CRACD: variants seen among roughly 807,000 people sequenced by gnomAD.
CRACD encodes capping protein-inhibiting regulator of actin dynamics.
Under a neutral mutation model 106.8 loss-of-function variants are expected in CRACD, and 56 were observed. The ratio of observed to expected loss-of-function variants is 0.52; its 90% confidence interval spans 0.42 to 0.66. The LOEUF (loss-of-function observed/expected upper bound fraction) is 0.66. CRACD is among the 30% of genes least tolerant of loss of function. The pLI, the probability that CRACD is intolerant of heterozygous loss-of-function variation, is 0.00. For missense variants in CRACD, 1,730 were observed against 1,623.2 expected, an observed-to-expected ratio of 1.07 and a Z score of -1.13; for synonymous variants, 754 against 670.8, an observed-to-expected ratio of 1.12 and a Z score of -1.92.
At chr4:56,109,497 G>C (rs1297118666) in intron 1 of CRACD, among the ~76,000 whole-genome samples, 1 of 152,114 alleles carries the variant, frequency 6.6e-6, no homozygotes, top group Admixed American at 6.5e-5. Flanking sequence ...TTCTGGAGCA[G>C]AAAAGGGTTA....
intron 3 of CRACD, among the ~76,000 whole-genome samples, chr4:56,276,402 T>C (rs1215241904): frequency 6.6e-6 from 1 of 152,136 alleles, no homozygotes; most frequent in African/African-American, 2.4e-5. Flanking sequence ...AAGGATGTAG[T>C]ATGCAGTATT....
chr4:56,159,508 C>T (rs1474280385), intron 1 of CRACD, among the ~76,000 whole-genome samples: 8 of 152,004 alleles, frequency 5.3e-5, no homozygotes, highest in African/African-American at 7.2e-5. Flanking sequence ...CAAAATTAGA[C>T]GGGCGTGGTG....
intron 3 of CRACD, among the ~76,000 whole-genome samples, chr4:56,282,354 C>A (rs1261215686): frequency 6.6e-6 from 1 of 152,200 alleles, no homozygotes; most frequent in African/African-American, 2.4e-5. Flanking sequence ...TGTGCAGCTG[C>A]AGAAAGCCTT....
At chr4:56,131,171 C>T (rs529971462) in intron 1 of CRACD, among the ~76,000 whole-genome samples, 96 of 152,214 alleles carry the variant, frequency 6.3e-4, no homozygotes, top group Non-Finnish European at 9.4e-4. Flanking sequence ...TCTTAAGTCC[C>T]GGTTGAGCTA....
In CRACD at chr4:56,173,193, G is replaced by A. The variant is rs531382189; in HGVS notation, c.-335-6091G>A. 5.9e-5 allele frequency among the ~76,000 whole-genome samples: 9 copies of A among 152,332 alleles called. No individual in the cohort carries two copies. The South Asian group carries it at 1.9e-3, about 32-fold the overall frequency. ...TACACAACTGTAGCAAATGGAAAAA[G>A]TCAAAGAAGTTTACCTTTGACTATA... On this transcript the variant is annotated intron_variant, in intron 1 of 10. Coordinates refer to ENST00000682029, the MANE Select transcript of CRACD (RefSeq NM_001393381.1).
chr4:56,288,377 A>G (rs1743494063), intron 3 of CRACD: 1 of 239,956 alleles, frequency 4.2e-6, no homozygotes, highest in Non-Finnish European at 8.4e-6. Context: ...GAAATGTATC[A>G]GCTCTTGCCC....
At chr4:56,094,770 G>T (rs372951737) in intron 1 of CRACD, among the ~76,000 whole-genome samples, 5 of 152,244 alleles carry the variant, frequency 3.3e-5, no homozygotes, top group African/African-American at 1.2e-4. Context: ...TTATCTGACA[G>T]ATCTTATAAA....
At chr4:56,232,085 A>G (rs1739654492) in intron 2 of CRACD, among the ~76,000 whole-genome samples, 2 of 152,204 alleles carry the variant, frequency 1.3e-5, no homozygotes, top group Admixed American at 1.3e-4. Flanking sequence ...GCATATGTAC[A>G]GTAATTCCGC....
intron 2 of CRACD, among the ~76,000 whole-genome samples, chr4:56,233,608 C>T (rs1739774078): frequency 6.6e-6 from 1 of 152,062 alleles, no homozygotes; most frequent in Non-Finnish European, 1.5e-5. Context: ...GATTCTGCAC[C>T]TTTATAACAC....
At chr4:56,269,887 A>G (rs1192345376) in intron 2 of CRACD, among the ~76,000 whole-genome samples, 1 of 152,204 alleles carries the variant, frequency 6.6e-6, no homozygotes, top group Admixed American at 6.5e-5. Context: ...TCAACATGAG[A>G]TGTAGAGGGA....
At position 56,290,894 on chromosome 4, in the gene CRACD, A is replaced by T. The variant is rs73163640; in HGVS notation, c.-16-7320A>T. On this transcript the variant is annotated intron_variant, in intron 3 of 10. Transcript: ENST00000682029. ...ATGAAAACTGTGAAAACTGTTGCTC[A>T]GATACCAGTGCTGTTCTGAACTTCC... 1.8e-3 allele frequency among the ~76,000 whole-genome samples: 276 copies of T among 152,336 alleles called. 1 individual carries two copies. Among genetic ancestry groups the T allele is most frequent in the Non-Finnish European group, 3.8e-4 (26 of 68,034 alleles).
chr4:56,282,840 T>C (rs1743107116), intron 3 of CRACD, among the ~76,000 whole-genome samples: 1 of 152,218 alleles, frequency 6.6e-6, no homozygotes, highest in South Asian at 2.1e-4. Context: ...AAACTGCCTC[T>C]TGCTTTTCAT....
intron 3 of CRACD, among the ~76,000 whole-genome samples, chr4:56,292,161 T>C (rs1240105811): frequency 6.6e-6 from 1 of 152,236 alleles, no homozygotes; most frequent in East Asian, 1.9e-4. Context: ...ATTGGCTGCA[T>C]TGTGTTCATT....
At chr4:56,065,094 T>A (rs925913211) in intron 1 of CRACD, among the ~76,000 whole-genome samples, 5 of 152,012 alleles carry the variant, frequency 3.3e-5, no homozygotes, top group African/African-American at 1.2e-4. Context: ...TAAATTTTTT[T>A]ATTTTTTTTT....
At chr4:56,057,724 A>G (rs1381906445) in intron 1 of CRACD, among the ~76,000 whole-genome samples, 3 of 149,748 alleles carry the variant, frequency 2.0e-5, no homozygotes, top group Admixed American at 6.7e-5. Flanking sequence ...CCCAGGTTCA[A>G]GGGAGTCTCC....
intron 1 of CRACD, among the ~76,000 whole-genome samples, chr4:56,103,897 T>A (rs1047919558): frequency 3.9e-5 from 6 of 152,094 alleles, no homozygotes; most frequent in African/African-American, 1.4e-4. Flanking sequence ...TCTCCTGCCT[T>A]CCAAGTGTCT....
chr4:56,235,283 C>T (rs1421072571), intron 2 of CRACD, among the ~76,000 whole-genome samples: 1 of 152,146 alleles, frequency 6.6e-6, no homozygotes, highest in Non-Finnish European at 1.5e-5. Context: ...CTAAAGACAT[C>T]CAAACCATTT....
chr4:56,070,847 CTGTGTGTGTG>C lies in CRACD; in HGVS notation c.-336+21582_-336+21591del, dbSNP rs60372588. 2.3e-3 allele frequency among the ~76,000 whole-genome samples: 282 copies of C among 120,426 alleles called. 1 individual carries two copies. The highest frequency in any genetic ancestry group is 8.5e-3 in the African/African-American group (261 of 30,878). The allele number at this position is 120,426 out of a possible 152,430, so 79.0% of individuals were successfully genotyped here. A position where few individuals can be genotyped will look rare whatever the true frequency, so the allele number is the denominator to read the frequency against. ...TACTGCAGGAATGCCAGGGGCTATG[CTGTGTGTGTG>C]TGTGTGTGTGTGTGTGTGTGTGTGT... On this transcript the variant is annotated intron_variant, in intron 1 of 10. Coordinates refer to ENST00000682029, the MANE Select transcript of CRACD (RefSeq NM_001393381.1).
chr4:56,325,327 A>G (rs1577921791), intron 10 of CRACD, among the ~76,000 whole-genome samples: 1 of 152,098 alleles, frequency 6.6e-6, no homozygotes, highest in East Asian at 1.9e-4. Context: ...AGACTGTCTC[A>G]AAAACAACAA....
Sources: allele counts gnomAD v4.1 joint callset (sites outside exome capture counted in the v4.1 genomes callset), GRCh38; gene constraint gnomAD v4.1.1; transcripts MANE v1.5; gene names NCBI Gene and HGNC (gene_info 2026-07-23, HGNC 2026-07-21).